IQCM: variants seen among roughly 807,000 people sequenced by gnomAD.
The protein encoded by IQCM is IQ domain-containing protein M.
A neutral mutation model predicts 57.6 loss-of-function variants in IQCM; 45 were observed. The observed-to-expected ratio is 0.78, with a 90% CI of 0.62 to 1.00. The LOEUF (loss-of-function observed/expected upper bound fraction) is 1.00. Ranked by LOEUF, IQCM falls within the 50% of genes least tolerant of loss-of-function variation. The pLI is 0.00. For missense variants in IQCM, 468 were observed against 511.6 expected (o/e 0.91, Z 0.82); for synonymous variants, 148 against 158.9 (o/e 0.93, Z 0.51).
intron 8 of IQCM, among the ~76,000 whole-genome samples, chr4:149,620,162 C>CA (rs142102905): frequency 1.0e-3 from 148 of 143,310 alleles, no homozygotes; most frequent in South Asian, 1.6e-3. Context: ...GTCTCAAAAA[C>CA]AAAAAAAAAA....
At chr4:149,651,527 A>T (rs1759180349) in intron 7 of IQCM, among the ~76,000 whole-genome samples, 1 of 152,122 alleles carries the variant, frequency 6.6e-6, no homozygotes, top group African/African-American at 2.4e-5. Flanking sequence ...GTCACACACA[A>T]ACTTCCTTAC....
intron 8 of IQCM, among the ~76,000 whole-genome samples, chr4:149,593,851 C>T (rs947481738): frequency 3.3e-5 from 5 of 152,028 alleles, no homozygotes; most frequent in African/African-American, 7.2e-5. Flanking sequence ...CTGCTGGATT[C>T]GGTTTTTCAG....
intron 7 of IQCM, among the ~76,000 whole-genome samples, chr4:149,633,724 A>T (rs1273655424): frequency 3.3e-5 from 5 of 152,204 alleles, no homozygotes; most frequent in Non-Finnish European, 5.9e-5. Context: ...CCTCCAGTTA[A>T]ACTACTCTAC....
chr4:149,534,593 C>T lies in IQCM; in HGVS notation c.1228+13862G>A, dbSNP rs116027424. On this transcript the variant is annotated intron_variant, in intron 12 of 13. Transcript: ENST00000636793. ...ACAGTGGTATATAAGGAATCATTGACGAGAATATTTTGAAAGAATAAAAAC... is the reference window on the plus strand; with the variant it reads ...ACAGTGGTATATAAGGAATCATTGATGAGAATATTTTGAAAGAATAAAAAC... Among the ~76,000 whole-genome samples, 589 of 151,944 alleles carry T rather than the reference C, an allele frequency of 3.9e-3. 4 individuals are homozygous for T. The highest frequency in any genetic ancestry group is 0.013 in the African/African-American group (533 of 41,448).
At chr4:149,572,175 A>G (rs937419535) in intron 9 of IQCM, among the ~76,000 whole-genome samples, 7 of 152,118 alleles carry the variant, frequency 4.6e-5, no homozygotes, top group African/African-American at 1.7e-4. Context: ...AATAATGTGC[A>G]GACAAGCAAA....
intron 2 of IQCM, among the ~76,000 whole-genome samples, chr4:149,772,318 CA>C (rs1412909018): frequency 1.3e-5 from 2 of 151,966 alleles, no homozygotes; most frequent in Admixed American, 6.6e-5. Flanking sequence ...AAGAAATGCT[CA>C]AAATGTAATT....
intron 11 of IQCM, among the ~76,000 whole-genome samples, chr4:149,549,575 CT>C (rs1270345105): frequency 1.4e-5 from 2 of 144,952 alleles, no homozygotes; most frequent in African/African-American, 2.6e-5. Flanking sequence ...TAAATAATTT[CT>C]TTTTTTCTCT....
Position 149,407,129 on chromosome 4 carries a change from C to T in IQCM, c.1390+26267G>A, listed in dbSNP as rs1399473176. 3.3e-5 allele frequency among the ~76,000 whole-genome samples: 5 copies of T among 152,092 alleles called. No homozygotes were observed. In the South Asian group the frequency reaches 8.3e-4, roughly 25 times the overall value. ...TGAGACTTACTCACTACGATGAGAA[C>T]AGTATGGGGGAAACCACCACCATGA... On this transcript the variant is annotated intron_variant, in intron 13 of 13. Transcript: ENST00000636793.
In IQCM at chr4:149,791,257, ACT is replaced by A. The variant is rs139937007; in HGVS notation, c.-49+24052_-49+24053del. 1.7e-3 allele frequency among the ~76,000 whole-genome samples: 264 copies of A among 152,114 alleles called. 1 individual carries two copies. The highest frequency in any genetic ancestry group is 6.1e-3 in the African/African-American group (252 of 41,512). ...TTATTGATTTTTATCTTTTTTATTG[ACT>A]CTCATTATTTTTAACTAGAAACTTA... is the stretch of plus-strand genomic sequence containing the variant. On this transcript the variant is annotated intron_variant, in intron 2 of 13. Transcript: ENST00000636793.
At chr4:149,491,708 T>C (rs2149776241) in intron 12 of IQCM, among the ~76,000 whole-genome samples, 1 of 152,260 alleles carries the variant, frequency 6.6e-6, no homozygotes, top group South Asian at 2.1e-4. Context: ...AATAATGCTG[T>C]AATGAACATG....
chr4:149,444,826 G>A (rs1736331383), intron 12 of IQCM, among the ~76,000 whole-genome samples: 2 of 151,760 alleles, frequency 1.3e-5, no homozygotes, highest in South Asian at 2.1e-4. Context: ...ATTGTCTTGA[G>A]GAAATAGGAC....
intron 13 of IQCM, among the ~76,000 whole-genome samples, chr4:149,364,681 G>C (rs1400595877): frequency 6.6e-6 from 1 of 152,034 alleles, no homozygotes; most frequent in Non-Finnish European, 1.5e-5. Flanking sequence ...AATTAAATTA[G>C]ATGGCATATA....
At chr4:149,394,369 C>A (rs886551361) in intron 13 of IQCM, among the ~76,000 whole-genome samples, 2 of 151,780 alleles carry the variant, frequency 1.3e-5, no homozygotes, top group African/African-American at 2.4e-5. Context: ...ATTTTGTTCC[C>A]AATTTTTAAA....
intron 7 of IQCM, among the ~76,000 whole-genome samples, chr4:149,664,327 C>G (rs1561125526): frequency 6.6e-6 from 1 of 151,990 alleles, no homozygotes; most frequent in Non-Finnish European, 1.5e-5. Context: ...TTACTATAGA[C>G]TTATTTGTTG....
chr4:149,496,303 T>C (rs1742654395), intron 12 of IQCM, among the ~76,000 whole-genome samples: 1 of 152,106 alleles, frequency 6.6e-6, no homozygotes, highest in South Asian at 2.1e-4. Flanking sequence ...GACAGAATAA[T>C]AGTACCCCAA....
At chr4:149,644,121 G>A (rs977960663) in intron 7 of IQCM, among the ~76,000 whole-genome samples, 21 of 152,094 alleles carry the variant, frequency 1.4e-4, no homozygotes, top group Admixed American at 3.9e-4. Flanking sequence ...TTCCCAAAGC[G>A]TCTAGCAAAA....
intron 7 of IQCM, among the ~76,000 whole-genome samples, chr4:149,672,718 G>C (rs1030474426): frequency 1.3e-5 from 2 of 152,180 alleles, no homozygotes; most frequent in African/African-American, 4.8e-5. Context: ...ATATTTTCCA[G>C]GAGAACTTCC....
At chr4:149,637,308 T>TA (rs1055105400) in intron 7 of IQCM, among the ~76,000 whole-genome samples, 7 of 152,058 alleles carry the variant, frequency 4.6e-5, no homozygotes, top group African/African-American at 1.4e-4. Context: ...CTTTGAGTAT[T>TA]AAGGGTAAAT....
rs543328150 is a variant in IQCM, at chr4:149,666,580, C to T, written c.565+15538G>A. Among the ~76,000 whole-genome samples, 444 of 152,118 alleles carry T rather than the reference C, an allele frequency of 2.9e-3. 7 individuals are homozygous for T. Among genetic ancestry groups the T allele is most frequent in the African/African-American group, 0.01 (417 of 41,524 alleles). On this transcript the variant is annotated intron_variant, in intron 7 of 13. Coordinates refer to ENST00000636793, the MANE Select transcript of IQCM (RefSeq NM_001363507.2). ...GCCTGGAACATCAGCAAGACAGAAC[C>T]GTTTACTCCCCTGGAAAGGGGGCTG...
Sources: gnomAD v4.1 joint callset for allele counts (sites outside exome capture counted in the v4.1 genomes callset) on GRCh38, gnomAD v4.1.1 for gene constraint, MANE v1.5 for transcripts, NCBI Gene and HGNC (gene_info 2026-07-23, HGNC 2026-07-21) for gene names.